PDE1A: variants seen among roughly 807,000 people sequenced by gnomAD.
PDE1A encodes the protein dual specificity calcium/calmodulin-dependent 3',5'-cyclic nucleotide phosphodiesterase 1A.
PDE1A carries 35 observed loss-of-function variants against 61.7 expected under a neutral mutation model. The observed-to-expected ratio is 0.57, with a 90% CI of 0.43 to 0.75. The LOEUF is 0.75. Ranked by LOEUF, PDE1A falls within the 30% of genes least tolerant of loss-of-function variation. The probability of loss-of-function intolerance (pLI) is 0.00; values close to 1 mark genes in which losing one functional copy is unlikely to be tolerated. For synonymous variants in PDE1A, 232 were observed against 213.2 expected, an observed-to-expected ratio of 1.09 and a Z score of -0.77; for missense variants, 597 against 630.6, an observed-to-expected ratio of 0.95 and a Z score of 0.57.
At chr2:182,658,131 A>G in the PDE1A span, among the ~76,000 whole-genome samples, 16 of 151,756 alleles carry the variant, frequency 1.1e-4, no homozygotes, top group African/African-American at 3.4e-4. Context: ...CTGCCATAAC[A>G]AAGTACCACA....
intron 1 of PDE1A, among the ~76,000 whole-genome samples, chr2:182,390,564 A>G (rs1701362984): frequency 6.6e-6 from 1 of 152,210 alleles, no homozygotes. Flanking sequence ...GCATATACTG[A>G]GCCTCAAAAC....
intron 1 of PDE1A, among the ~76,000 whole-genome samples, chr2:182,339,289 A>G (rs1043684857): frequency 4.6e-5 from 7 of 152,134 alleles, no homozygotes; most frequent in Non-Finnish European, 1.0e-4. Context: ...ACCTCATTTC[A>G]TATTACTTTT....
chr2:182,644,128 TACACACACACACACACACAC>T, the PDE1A span, among the ~76,000 whole-genome samples: 2 of 129,436 alleles, frequency 1.5e-5, no homozygotes, highest in East Asian at 4.9e-4. Flanking sequence ...AATCAATGAT[TACACACACACACACACACAC>T]ACACACACAC....
At chr2:182,557,995 T>C in the PDE1A span, among the ~76,000 whole-genome samples, 1 of 152,262 alleles carries the variant, frequency 6.6e-6, no homozygotes, top group South Asian at 2.1e-4. Flanking sequence ...AAATCTGTTA[T>C]TTCAAAGTTT....
the PDE1A span, among the ~76,000 whole-genome samples, chr2:182,695,157 T>C: frequency 1.3e-5 from 2 of 152,080 alleles, no homozygotes; most frequent in African/African-American, 4.8e-5. Flanking sequence ...TAGCCTGACA[T>C]GTAAGGGGCT....
chr2:182,371,215 T>C (rs1282837918), intron 1 of PDE1A, among the ~76,000 whole-genome samples: 1 of 152,210 alleles, frequency 6.6e-6, no homozygotes, highest in Non-Finnish European at 1.5e-5. Context: ...TAAACATTTA[T>C]TAAATATAGA....
intron 1 of PDE1A, among the ~76,000 whole-genome samples, chr2:182,374,606 T>A (rs1574483601): frequency 6.6e-6 from 1 of 152,142 alleles, no homozygotes; most frequent in South Asian, 2.1e-4. Flanking sequence ...TACATACAGA[T>A]CATATTAAAA....
intron 2 of PDE1A, among the ~76,000 whole-genome samples, chr2:182,258,923 T>C (rs1692016947): frequency 6.6e-6 from 1 of 152,208 alleles, no homozygotes; most frequent in African/African-American, 2.4e-5. Flanking sequence ...TTCTTGTGCC[T>C]AGGTTTGTCT....
the PDE1A span, among the ~76,000 whole-genome samples, chr2:182,553,478 C>T: frequency 6.6e-6 from 1 of 152,226 alleles, no homozygotes; most frequent in African/African-American, 2.4e-5. Context: ...GATCCACCTG[C>T]CTCGGTCTCC....
rs115579085 is a variant in PDE1A at position 182,367,736 on chromosome 2, A to G, written c.53+58842T>C. Among the ~76,000 whole-genome samples the G allele has an allele frequency of 3.3e-3, 501 of 152,228 alleles. 5 individuals are homozygous for G. The highest frequency in any genetic ancestry group is 0.012 in the African/African-American group (482 of 41,568). ...CTTTAAAAAATTAATTGAAAAAATA[A>G]AATTATATTTTGCCATGCACAGATG... On this transcript the variant is annotated intron_variant, in intron 1 of 13. Coordinates refer to ENST00000351439, the Ensembl canonical transcript of PDE1A.
At chr2:182,390,845 T>C (rs1315026840) in intron 1 of PDE1A, among the ~76,000 whole-genome samples, 1 of 152,178 alleles carries the variant, frequency 6.6e-6, no homozygotes, top group Non-Finnish European at 1.5e-5. Flanking sequence ...CACACTACCA[T>C]CAGCCTTCTC....
chr2:182,441,645 A>G (rs1326342908), intron 2 of PDE1A, among the ~76,000 whole-genome samples: 3 of 152,046 alleles, frequency 2.0e-5, no homozygotes, highest in African/African-American at 2.4e-5. Flanking sequence ...CACTACTGAA[A>G]GTGATCAAGA....
At chr2:182,416,724 A>G (rs898101865) in intron 1 of PDE1A, among the ~76,000 whole-genome samples, 1 of 152,216 alleles carries the variant, frequency 6.6e-6, no homozygotes, top group African/African-American at 2.4e-5. Context: ...GAAATTTAGG[A>G]AAACTAAAAT....
At chr2:182,496,711 C>T (rs1437470275) in intron 2 of PDE1A, among the ~76,000 whole-genome samples, 1 of 152,244 alleles carries the variant, frequency 6.6e-6, no homozygotes, top group African/African-American at 2.4e-5. Context: ...TTTGCCTTTG[C>T]ATGTCTAGCC....
chr2:182,209,825 G>A (rs1045294122), intron 7 of PDE1A, among the ~76,000 whole-genome samples: 1 of 152,082 alleles, frequency 6.6e-6, no homozygotes, highest in Admixed American at 6.5e-5. Flanking sequence ...TATGGCATCT[G>A]GAACTATGAG....
chr2:182,140,930 T>A (rs779528951), exon 15 of PDE1A: 1 of 150,848 alleles, frequency 6.6e-6, no homozygotes, highest in Admixed American at 6.6e-5. Flanking sequence ...TGACAATACT[T>A]CTGAAGGAGT....
chr2:182,204,504 C>A (rs1358281828), intron 8 of PDE1A, among the ~76,000 whole-genome samples: 1 of 152,134 alleles, frequency 6.6e-6, no homozygotes, highest in Non-Finnish European at 1.5e-5. Context: ...TCCTCCTCAG[C>A]CCACTCCACA....
the PDE1A span, among the ~76,000 whole-genome samples, chr2:182,626,318 C>CA: frequency 5.3e-5 from 8 of 152,114 alleles, no homozygotes; most frequent in Non-Finnish European, 1.0e-4. Context: ...AATCTGAATT[C>CA]AATTTCAGAG....
the PDE1A span, among the ~76,000 whole-genome samples, chr2:182,675,912 C>T: frequency 1.3e-5 from 2 of 152,096 alleles, no homozygotes; most frequent in Non-Finnish European, 2.9e-5. Context: ...TGTCCATTTA[C>T]TCTGTTGATA....
Sources: gnomAD v4.1 joint callset for allele counts (sites outside exome capture counted in the v4.1 genomes callset) on GRCh38, gnomAD v4.1.1 for gene constraint, MANE v1.5 for transcripts, NCBI Gene and HGNC (gene_info 2026-07-23, HGNC 2026-07-21) for gene names.